SCIMP: variants seen among roughly 807,000 people sequenced by gnomAD.
SCIMP encodes SLP adapter and CSK-interacting membrane protein.
A neutral mutation model predicts 22.0 loss-of-function variants in SCIMP; 18 were observed. The observed-to-expected ratio is 0.82, with a 90% CI of 0.56 to 1.21. The LOEUF is 1.21. Among genes scored for constraint, SCIMP ranks in the 50% most tolerant of loss-of-function variants. The pLI is 0.00. For synonymous variants in SCIMP, 53 were observed against 62.2 expected (o/e 0.85, Z 0.70); for missense variants, 155 against 171.2 (o/e 0.91, Z 0.53).
chr17:5,212,299 T>C (rs1232755914), intron 4 of SCIMP, among the ~76,000 whole-genome samples: 1 of 152,196 alleles, frequency 6.6e-6, no homozygotes, highest in Non-Finnish European at 1.5e-5. Context: ...AAGTCACTTA[T>C]CTGTGCCTGA....
intron 2 of SCIMP, among the ~76,000 whole-genome samples, chr17:5,222,003 A>G (rs1039987402): frequency 2.0e-5 from 3 of 151,036 alleles, no homozygotes; most frequent in Non-Finnish European, 2.9e-5. Flanking sequence ...TGAACTCCCG[A>G]CCTCAAGTGA....
chr17:5,227,331 A>ACC (rs1161672279), intron 1 of SCIMP, among the ~76,000 whole-genome samples: 1 of 149,372 alleles, frequency 6.7e-6, no homozygotes, highest in Non-Finnish European at 1.5e-5. Context: ...ACACTCTTAC[A>ACC]CTTAGCCAGG....
chr17:5,218,817 T>C (rs2144318720), intron 3 of SCIMP, among the ~76,000 whole-genome samples: 1 of 152,090 alleles, frequency 6.6e-6, no homozygotes, highest in South Asian at 2.1e-4. Context: ...GTATACAGGG[T>C]CTCACTATGT....
intron 1 of SCIMP, among the ~76,000 whole-genome samples, chr17:5,226,743 AGG>A (rs2074652247): frequency 6.6e-6 from 1 of 151,936 alleles, no homozygotes; most frequent in Non-Finnish European, 1.5e-5. Flanking sequence ...TCCTGACCTC[AGG>A]TGATCCGCCT....
intron 1 of SCIMP, among the ~76,000 whole-genome samples, chr17:5,230,197 G>C (rs2074683494): frequency 6.6e-6 from 1 of 152,148 alleles, no homozygotes; most frequent in South Asian, 2.1e-4. Context: ...CTCCTTGCAG[G>C]CTTCTGAAAA....
intron 3 of SCIMP, among the ~76,000 whole-genome samples, chr17:5,219,426 A>T (rs1217898777): frequency 6.6e-6 from 1 of 152,148 alleles, no homozygotes; most frequent in Non-Finnish European, 1.5e-5. Flanking sequence ...CAGGAGTTCC[A>T]GACCAGCCAT....
chr17:5,221,913 C>T (rs1338874128), intron 2 of SCIMP, among the ~76,000 whole-genome samples: 1 of 151,942 alleles, frequency 6.6e-6, no homozygotes, highest in Non-Finnish European at 1.5e-5. Context: ...GCTGACGTTA[C>T]AGGTGCCTGC....
rs2074508841 is a variant in SCIMP at position 5,209,113 on chromosome 17, C to T, written c.*1688G>A. Reference sequence around the variant, plus strand: ...CATAGTTAGATAACTACTGGCCTAACATAAGGAGGGTTTATTTATTTATTT... The same window carrying T: ...CATAGTTAGATAACTACTGGCCTAATATAAGGAGGGTTTATTTATTTATTT... On this transcript the variant is annotated 3_prime_UTR_variant, in exon 5 of 5. Coordinates refer to ENST00000574081, the MANE Select transcript of SCIMP (RefSeq NM_207103.3). 1 of 152,150 alleles carries T rather than the reference C, an allele frequency of 6.6e-6. No individual in the cohort carries two copies. Among genetic ancestry groups the T allele is most frequent in the African/African-American group, 2.4e-5 (1 of 41,478 alleles). 9.4% of individuals were successfully genotyped at this position (152,150 alleles called of 1,614,324 possible). A position where few individuals can be genotyped will look rare whatever the true frequency, so the allele number is the denominator to read the frequency against.
At chr17:5,228,001 C>T (rs1360064202) in intron 1 of SCIMP, among the ~76,000 whole-genome samples, 1 of 152,072 alleles carries the variant, frequency 6.6e-6, no homozygotes, top group South Asian at 2.1e-4. Flanking sequence ...GGTGAAACCC[C>T]GTCTCTACTA....
chr17:5,227,461 A>G (rs1230755864), intron 1 of SCIMP, among the ~76,000 whole-genome samples: 1 of 151,996 alleles, frequency 6.6e-6, no homozygotes, highest in Non-Finnish European at 1.5e-5. Flanking sequence ...AGTGATCCGC[A>G]TGCCTCGGCC....
intron 4 of SCIMP, among the ~76,000 whole-genome samples, chr17:5,212,736 A>G (rs1183791278): frequency 6.6e-6 from 1 of 152,258 alleles, no homozygotes; most frequent in East Asian, 1.9e-4. Context: ...AACACAGCGC[A>G]TGCTCAATAA....
chr17:5,221,102 G>C (rs779256329), intron 3 of SCIMP, 185 bp downstream of exon 3: 2 of 688,964 alleles, frequency 2.9e-6, no homozygotes, highest in South Asian at 3.0e-5. Flanking sequence ...GGGAGGACTT[G>C]CCCTGCATCG....
chr17:5,230,576 A>G (rs927452669), intron 1 of SCIMP, among the ~76,000 whole-genome samples: 4 of 152,164 alleles, frequency 2.6e-5, no homozygotes, highest in Admixed American at 1.3e-4. Flanking sequence ...AGGCCTGCAG[A>G]ACTTAACCTA....
At chr17:5,227,388 C>G (rs146379743) in intron 1 of SCIMP, among the ~76,000 whole-genome samples, 14 of 151,986 alleles carry the variant, frequency 9.2e-5, no homozygotes, top group African/African-American at 2.9e-4. Context: ...AGGTTAAGCT[C>G]CTCCTCAGCT....
intron 3 of SCIMP, among the ~76,000 whole-genome samples, chr17:5,220,193 T>C (rs1260309999): frequency 6.6e-6 from 1 of 152,132 alleles, no homozygotes; most frequent in Non-Finnish European, 1.5e-5. Context: ...CAGTAGCTTT[T>C]GGAAGACTAT....
At chr17:5,234,263 C>T (rs2074726688) in intron 1 of SCIMP, among the ~76,000 whole-genome samples, 1 of 152,046 alleles carries the variant, frequency 6.6e-6, no homozygotes, top group Admixed American at 6.6e-5. Flanking sequence ...AAGAGCGAAA[C>T]TCCATCTCAA....
At chr17:5,232,037 C>T (rs1000374401) in intron 1 of SCIMP, among the ~76,000 whole-genome samples, 2 of 149,980 alleles carry the variant, frequency 1.3e-5, no homozygotes, top group African/African-American at 4.9e-5. Context: ...GCCTGGGCGA[C>T]AGAGCGAGAC....
At position 5,209,728 on chromosome 17, in the gene SCIMP, C is replaced by T. The variant is rs1035437633; in HGVS notation, c.*1073G>A. The stretch of plus-strand genomic sequence containing the variant: ...GGTCTAAGAGCCTATAAAGCTGACT[C>T]GGGCCTTGTTGACCCCATTAGGACA... On this transcript the variant is annotated 3_prime_UTR_variant, in exon 5 of 5. Coordinates refer to ENST00000574081, the MANE Select transcript of SCIMP (RefSeq NM_207103.3). The T allele has an allele frequency of 9.2e-5, 14 of 152,144 alleles. No individual in the cohort carries two copies. The highest frequency in any genetic ancestry group is 2.9e-4 in the African/African-American group (12 of 41,428). The allele number at this position is 152,144 out of a possible 1,614,324, so 9.4% of individuals were successfully genotyped here.
At position 5,210,808 on chromosome 17, in the gene SCIMP, G is replaced by A. The variant is rs1394668652; in HGVS notation, c.431C>T (p.Ser144Leu). The A allele has an allele frequency of 6.2e-6, 10 of 1,604,868 alleles. No individual in the cohort carries two copies. Among genetic ancestry groups the A allele is most frequent in the Non-Finnish European group, 8.5e-6 (10 of 1,177,860 alleles). ...VEIPANTEKASF is the reference protein window; with the variant it reads ...VEIPANTEKALF ...AAAGAAGAAATGGCTGTTTCAAAATGATGCTTTTTCAGTATTTGCAGGGAT... is the reference window on the plus strand; with the variant it reads ...AAAGAAGAAATGGCTGTTTCAAAATAATGCTTTTTCAGTATTTGCAGGGAT... Residue 144 changes from serine to leucine, a missense_variant, in exon 5 of 5, where the codon TCA becomes TTA. Physicochemically the swap from Ser to Leu is moderately radical, Grantham distance 145. Transcript: ENST00000574081.
Sources: gnomAD v4.1 joint callset for allele counts (sites outside exome capture counted in the v4.1 genomes callset) on GRCh38, gnomAD v4.1.1 for gene constraint, MANE v1.5 for transcripts, NCBI Gene and HGNC (gene_info 2026-07-23, HGNC 2026-07-21) for gene names.